DMD: variants seen among roughly 807,000 people sequenced by gnomAD.
DMD encodes mutant dystrophin.
Under a neutral mutation model 330.1 loss-of-function variants are expected in DMD, and 63 were observed. The ratio of observed to expected loss-of-function variants is 0.19; its 90% CI spans 0.16 to 0.24. The LOEUF (loss-of-function observed/expected upper bound fraction) is 0.24. DMD is among the 10% of genes least tolerant of loss of function. The probability of loss-of-function intolerance (pLI) is 1.00; values close to 1 mark genes in which losing one functional copy is unlikely to be tolerated. For synonymous variants in DMD, 1,223 were observed against 959.8 expected (o/e 1.27, Z -5.07); for missense variants, 3,344 against 2,684.1 (o/e 1.25, Z -5.43).
At chrX:33,132,254 G>A (rs528417354) in intron 1 of DMD, among the ~76,000 whole-genome samples, 2 of 112,134 alleles carry the variant, frequency 1.8e-5, no homozygotes, top group African/African-American at 6.5e-5. Flanking sequence ...GCTCTTAAGA[G>A]CACATACTTA....
chrX:31,258,563 C>A (rs2050194919), intron 63 of DMD, among the ~76,000 whole-genome samples: 2 of 112,114 alleles, frequency 1.8e-5, no homozygotes, highest in Non-Finnish European at 3.8e-5. Context: ...ACGATGACTT[C>A]CTTTTATTAT....
intron 43 of DMD, among the ~76,000 whole-genome samples, chrX:32,255,539 C>A (rs1472182480): frequency 9.0e-6 from 1 of 111,386 alleles, no homozygotes; most frequent in Non-Finnish European, 1.9e-5. Context: ...AATAAGTTTG[C>A]TAACTTCTGT....
intron 4 of DMD, among the ~76,000 whole-genome samples, chrX:32,837,472 C>T (rs769394765): frequency 9.0e-6 from 1 of 111,079 alleles, no homozygotes; most frequent in Admixed American, 9.6e-5. Context: ...GCTCTCCCAA[C>T]ATGAGGGATT....
At chrX:32,330,505 C>A (rs755988905) in intron 41 of DMD, among the ~76,000 whole-genome samples, 1 of 111,936 alleles carries the variant, frequency 8.9e-6, no homozygotes, top group Non-Finnish European at 1.9e-5. Context: ...ATATTTCCAA[C>A]CCCACTGCAG....
At chrX:33,209,154 T>C (rs1278472484) in intron 1 of DMD, among the ~76,000 whole-genome samples, 1 of 111,435 alleles carries the variant, frequency 9.0e-6, no homozygotes, top group East Asian at 2.8e-4. Flanking sequence ...TAATTATGCA[T>C]AGAACACTTT....
intron 1 of DMD, among the ~76,000 whole-genome samples, chrX:33,228,278 A>AGTGTGTGT (rs60369848): frequency 0.018 from 1,692 of 93,446 alleles, 35 homozygotes; most frequent in African/African-American, 0.054. Context: ...CCCAAGTTTA[A>AGTGTGTGT]GTGTGTGTGT....
intron 44 of DMD, among the ~76,000 whole-genome samples, chrX:32,196,717 G>T (rs760181139): frequency 1.8e-5 from 2 of 110,425 alleles, no homozygotes; most frequent in Admixed American, 9.7e-5. Flanking sequence ...CTGGCACGGT[G>T]GCTCACGCCT....
intron 43 of DMD, among the ~76,000 whole-genome samples, chrX:32,240,931 A>G (rs2097206141): frequency 9.0e-6 from 1 of 111,476 alleles, no homozygotes; most frequent in Non-Finnish European, 1.9e-5. Context: ...CCCTCTCGGG[A>G]ATATATGGCC....
chrX:31,971,816 T>G (rs2095401608), intron 44 of DMD, among the ~76,000 whole-genome samples: 2 of 112,011 alleles, frequency 1.8e-5, no homozygotes, highest in South Asian at 7.3e-4. Context: ...CCAATAAAAT[T>G]TCCAAGCTTT....
intron 44 of DMD, among the ~76,000 whole-genome samples, chrX:32,178,974 CTCTCTCT>C (rs1569549030): frequency 3.6e-4 from 38 of 106,700 alleles, no homozygotes; most frequent in African/African-American, 1.1e-3. Flanking sequence ...CTCTCTCTCT[CTCTCTCT>C]CCCTCTCCTC....
intron 2 of DMD, among the ~76,000 whole-genome samples, chrX:32,954,463 G>A (rs925227910): frequency 8.9e-6 from 1 of 111,825 alleles, no homozygotes; most frequent in Admixed American, 9.5e-5. Context: ...ACCCACTAAG[G>A]CTCCAGTGAG....
At chrX:32,933,304 C>A (rs1227898142) in intron 2 of DMD, among the ~76,000 whole-genome samples, 2 of 111,083 alleles carry the variant, frequency 1.8e-5, no homozygotes, top group African/African-American at 6.6e-5. Context: ...AGTAAACAGG[C>A]AAAGTCACAA....
At chrX:31,486,332 G>C (rs2068803514) in intron 57 of DMD, among the ~76,000 whole-genome samples, 1 of 112,269 alleles carries the variant, frequency 8.9e-6, no homozygotes, top group Non-Finnish European at 1.9e-5. Flanking sequence ...ATGCAAAACA[G>C]GCTTGCAGGG....
intron 17 of DMD, among the ~76,000 whole-genome samples, chrX:32,522,139 C>T (rs941631583): frequency 1.8e-5 from 2 of 112,102 alleles, no homozygotes; most frequent in African/African-American, 6.5e-5. Context: ...AACCCTCTCT[C>T]TTCCTTCCCA....
chrX:31,581,957 C>T (rs996732240), intron 55 of DMD, among the ~76,000 whole-genome samples: 2 of 111,751 alleles, frequency 1.8e-5, no homozygotes, highest in Non-Finnish European at 3.8e-5. Context: ...TCTTTACATA[C>T]TTGTATACCA....
intron 54 of DMD, among the ~76,000 whole-genome samples, chrX:31,638,496 A>T (rs1207417980): frequency 8.9e-6 from 1 of 112,314 alleles, no homozygotes; most frequent in Non-Finnish European, 1.9e-5. Flanking sequence ...TAAAATCATG[A>T]AGTGGCTTCT....
At chrX:32,807,317 C>G (rs779818155) in intron 7 of DMD, among the ~76,000 whole-genome samples, 5 of 109,668 alleles carry the variant, frequency 4.6e-5, no homozygotes, top group African/African-American at 1.7e-4. Context: ...GAGAATACTA[C>G]AAACACCTCT....
intron 29 of DMD, among the ~76,000 whole-genome samples, chrX:32,413,354 G>A (rs917628107): frequency 9.0e-6 from 1 of 110,748 alleles, no homozygotes. Context: ...TATTTTTTCC[G>A]GTTTCAGCGA....
At chrX:32,739,300 T>G (rs1464131040) in intron 7 of DMD, among the ~76,000 whole-genome samples, 1 of 111,851 alleles carries the variant, frequency 8.9e-6, no homozygotes, top group Non-Finnish European at 1.9e-5. Context: ...GTGATTTAAA[T>G]TTAGAACATG....
Sources: gnomAD v4.1 joint callset for allele counts (sites outside exome capture counted in the v4.1 genomes callset) on GRCh38, gnomAD v4.1.1 for gene constraint, MANE v1.5 for transcripts, NCBI Gene and HGNC (gene_info 2026-07-23, HGNC 2026-07-21) for gene names.